The following GPC6 variants were observed in gnomAD, a reference collection of about 807,000 sequenced individuals.
The protein encoded by GPC6 is glypican 6, also known as glypican-6.
Under a neutral mutation model 55.2 loss-of-function variants are expected in GPC6, and 14 were observed. The ratio of observed to expected loss-of-function variants is 0.25; its 90% confidence interval spans 0.17 to 0.40. The LOEUF is 0.40. Ranked by LOEUF, GPC6 falls within the 10% of genes least tolerant of loss-of-function variation. GPC6 has a pLI of 1.00. For missense variants in GPC6, 641 were observed against 708.5 expected, an observed-to-expected ratio of 0.90 and a Z score of 1.08; for synonymous variants, 278 against 259.6, an observed-to-expected ratio of 1.07 and a Z score of -0.68.
chr13:93,374,644 T>A (rs1427507869), intron 1 of GPC6, among the ~76,000 whole-genome samples: 4 of 152,214 alleles, frequency 2.6e-5, no homozygotes, highest in Admixed American at 1.3e-4. Context: ...TAATTCTATG[T>A]CTTTCAAAGT....
At position 93,696,553 on chromosome 13, in the gene GPC6, A is replaced by T. The variant is rs527494852; in HGVS notation, c.320-133601A>T. Among the ~76,000 whole-genome samples, 127 of 144,718 alleles carry T rather than the reference A, an allele frequency of 8.8e-4. 1 individual carries two copies. Among genetic ancestry groups the T allele is most frequent in the African/African-American group, 1.7e-3 (68 of 40,374 alleles). The allele number at this position is 144,718 out of a possible 152,430, so 94.9% of individuals were successfully genotyped here. A position where few individuals can be genotyped will look rare whatever the true frequency, so the allele number is the denominator to read the frequency against. On this transcript the variant is annotated intron_variant, in intron 2 of 8. Transcript: ENST00000377047. ...TCCCCCTTTTTTTCCTTTTTTTTTTAAAAAACAAAAACAAAAAACAAACAA... is the reference window on the plus strand; with the variant it reads ...TCCCCCTTTTTTTCCTTTTTTTTTTTAAAAACAAAAACAAAAAACAAACAA...
At chr13:93,810,610 A>G (rs148069102) in intron 2 of GPC6, among the ~76,000 whole-genome samples, 30 of 152,326 alleles carry the variant, frequency 2.0e-4, no homozygotes, top group African/African-American at 7.0e-4. Context: ...TAATTAAATG[A>G]ATGACAAAAA....
chr13:93,956,928 C>T (rs951161600), intron 3 of GPC6, among the ~76,000 whole-genome samples: 7 of 152,116 alleles, frequency 4.6e-5, no homozygotes, highest in East Asian at 1.9e-4. Flanking sequence ...AAAACAGCCG[C>T]GAACAGGAGA....
At chr13:93,354,475 C>T (rs1209716259) in intron 1 of GPC6, among the ~76,000 whole-genome samples, 3 of 150,672 alleles carry the variant, frequency 2.0e-5, no homozygotes, top group Non-Finnish European at 3.0e-5. Flanking sequence ...CTCAGCCTCC[C>T]GAGTAGCTGG....
At chr13:93,237,166 C>A (rs78532974) in intron 1 of GPC6, among the ~76,000 whole-genome samples, 4,618 of 152,212 alleles carry the variant, frequency 0.03, 224 homozygotes, top group African/African-American at 0.11. Flanking sequence ...GTAGAAGTTG[C>A]ACTAATTTAC....
chr13:93,425,688 A>G (rs933611175), intron 1 of GPC6, among the ~76,000 whole-genome samples: 3 of 152,148 alleles, frequency 2.0e-5, no homozygotes, highest in Non-Finnish European at 4.4e-5. Flanking sequence ...CTTCCTTTCT[A>G]GTGACTGATC....
At position 93,859,315 on chromosome 13, in the gene GPC6, A is replaced by T. The variant is rs563045685; in HGVS notation, c.711+28770A>T. Among the ~76,000 whole-genome samples the T allele has an allele frequency of 2.0e-5, 3 of 151,616 alleles. No homozygotes were observed. In the South Asian group the frequency reaches 6.2e-4, roughly 31 times the overall value. The stretch of plus-strand genomic sequence containing the variant: ...TGTGTCTAATTGTTCTTTCATTTTC[A>T]TGTATTTTACTGAAAAATAAACTAT... On this transcript the variant is annotated intron_variant, in intron 3 of 8. Transcript: ENST00000377047.
chr13:93,930,353 C>CCTCT (rs2140353979), intron 3 of GPC6, among the ~76,000 whole-genome samples: 1 of 147,060 alleles, frequency 6.8e-6, no homozygotes, highest in South Asian at 2.2e-4. Context: ...CTCACTGCAG[C>CCTCT]CTCTGCCTCC....
At chr13:94,062,709 C>A (rs1258414001) in intron 4 of GPC6, among the ~76,000 whole-genome samples, 3 of 152,148 alleles carry the variant, frequency 2.0e-5, no homozygotes, top group Non-Finnish European at 2.9e-5. Flanking sequence ...CATATATTGA[C>A]TAATGAAACT....
chr13:93,417,252 T>A (rs1876733581), intron 1 of GPC6, among the ~76,000 whole-genome samples: 1 of 152,270 alleles, frequency 6.6e-6, no homozygotes, highest in Admixed American at 6.6e-5. Context: ...TATTTTATTT[T>A]ATTTTTTTAG....
chr13:94,260,813 A>G (rs902681718), intron 4 of GPC6, among the ~76,000 whole-genome samples: 9 of 152,160 alleles, frequency 5.9e-5, no homozygotes, highest in Non-Finnish European at 5.9e-5. Context: ...AGTCGGGAGC[A>G]TGGTGGAGGC....
chr13:93,583,408 T>C (rs1877034479), intron 2 of GPC6, among the ~76,000 whole-genome samples: 1 of 122,102 alleles, frequency 8.2e-6, no homozygotes, highest in South Asian at 2.8e-4. Flanking sequence ...TAATTGAAGA[T>C]ACCTCTTTTA....
chr13:93,221,985 G>A (rs1594036625), upstream of GPC6, among the ~76,000 whole-genome samples: 1 of 150,834 alleles, frequency 6.6e-6, no homozygotes, highest in Admixed American at 6.7e-5. Context: ...TGAGCAAAAG[G>A]ATGATAAATT....
At chr13:93,677,581 G>C (rs912996902) in intron 2 of GPC6, among the ~76,000 whole-genome samples, 1 of 152,066 alleles carries the variant, frequency 6.6e-6, no homozygotes, top group African/African-American at 2.4e-5. Context: ...CATTGAAATG[G>C]TCGGTTGAGA....
chr13:93,590,918 A>T (rs901514742), intron 2 of GPC6, among the ~76,000 whole-genome samples: 1 of 152,142 alleles, frequency 6.6e-6, no homozygotes, highest in African/African-American at 2.4e-5. Context: ...GCGCACCAGC[A>T]TGGCACATGT....
intron 3 of GPC6, among the ~76,000 whole-genome samples, chr13:93,981,826 T>G (rs377358705): frequency 6.6e-6 from 1 of 152,216 alleles, no homozygotes; most frequent in African/African-American, 2.4e-5. Flanking sequence ...CCATTAGAGA[T>G]TTAGCTACCA....
intron 2 of GPC6, among the ~76,000 whole-genome samples, chr13:93,761,297 C>G (rs1378295919): frequency 1.3e-5 from 2 of 152,128 alleles, no homozygotes; most frequent in Non-Finnish European, 2.9e-5. Context: ...GGAGGGATTG[C>G]ACTCTGCTAT....
chr13:93,340,683 G>A (rs904523619), intron 1 of GPC6, among the ~76,000 whole-genome samples: 1 of 152,244 alleles, frequency 6.6e-6, no homozygotes, highest in South Asian at 2.1e-4. Context: ...GCAGAAGAAT[G>A]GCAGCTGGAG....
chr13:94,330,997 T>G (rs944556384), intron 6 of GPC6, among the ~76,000 whole-genome samples: 1 of 152,088 alleles, frequency 6.6e-6, no homozygotes, highest in Non-Finnish European at 1.5e-5. Flanking sequence ...CTCCAAATAT[T>G]TAATAAAAAA....
Sources: allele counts gnomAD v4.1 joint callset (sites outside exome capture counted in the v4.1 genomes callset), GRCh38; gene constraint gnomAD v4.1.1; transcripts MANE v1.5; gene names NCBI Gene and HGNC (gene_info 2026-07-23, HGNC 2026-07-21).